The following RPRD1A variants were observed in gnomAD, a reference collection of about 807,000 sequenced individuals.
The protein encoded by RPRD1A is regulation of nuclear pre-mRNA domain containing 1A.
RPRD1A carries 9 observed loss-of-function variants against 37.8 expected under a neutral mutation model. That is an observed-to-expected ratio of 0.24 (90% CI 0.14 to 0.42). The LOEUF (loss-of-function observed/expected upper bound fraction) is 0.42, where lower values mean the gene tolerates loss of function less well. Ranked by LOEUF, RPRD1A falls within the 10% of genes least tolerant of loss-of-function variation. RPRD1A has a pLI of 1.00. For missense variants in RPRD1A, 255 were observed against 371.0 expected (o/e 0.69, Z 2.57); for synonymous variants, 138 against 139.7 (o/e 0.99, Z 0.08).
intron 6 of RPRD1A, chr18:36,026,659 A>G (rs2061906107): frequency 2.7e-6 from 1 of 369,404 alleles, no homozygotes; most frequent in African/African-American, 2.1e-5. Flanking sequence ...ATGGAATTTC[A>G]CAAGAATAAT....
At chr18:36,026,822 A>G in intron 6 of RPRD1A, 78 bp downstream of exon 6, 2 of 1,379,394 alleles carry the variant, frequency 1.4e-6, no homozygotes, top group East Asian at 4.9e-5. Context: ...AAATGTGCAC[A>G]TAGATTAAAA....
intron 6 of RPRD1A, among the ~76,000 whole-genome samples, chr18:36,000,059 CTTTT>C (rs1053266999): frequency 2.0e-5 from 3 of 152,174 alleles, no homozygotes; most frequent in African/African-American, 7.2e-5. Flanking sequence ...CACCCATTTT[CTTTT>C]TTTAATAAGG....
rs530176422 is a variant in RPRD1A, at chr18:36,022,887, A to G, written c.789+4013T>C. ...TGAAGCAGGAAGATAACTTGTACTC[A>G]TGAGTTCGAGGTTACAGTGAGCTGT... On this transcript the variant is annotated intron_variant, in intron 6 of 6. Coordinates refer to ENST00000399022, the MANE Select transcript of RPRD1A (RefSeq NM_018170.5). 2.6e-5 allele frequency among the ~76,000 whole-genome samples: 4 copies of G among 152,328 alleles called. No homozygotes were observed. In the South Asian group the frequency reaches 6.2e-4, roughly 24 times the overall value.
intron 1 of RPRD1A, among the ~76,000 whole-genome samples, chr18:36,039,138 T>C (rs1331017279): frequency 6.6e-6 from 1 of 152,144 alleles, no homozygotes; most frequent in East Asian, 1.9e-4. Context: ...GGTGGAATGA[T>C]ATGGTTTGGC....
chr18:36,002,467 TGGCACA>T (rs1210510527), intron 6 of RPRD1A, among the ~76,000 whole-genome samples: 1 of 152,132 alleles, frequency 6.6e-6, no homozygotes, highest in African/African-American at 2.4e-5. Flanking sequence ...TGGAGTGCAG[TGGCACA>T]ATCACAGCAC....
At chr18:36,050,520 ATACATAAAAAAAAAAC>A (rs940910412) in intron 1 of RPRD1A, among the ~76,000 whole-genome samples, 2 of 152,152 alleles carry the variant, frequency 1.3e-5, no homozygotes, top group Non-Finnish European at 2.9e-5. Flanking sequence ...TAGCCAGAAT[ATACATAAAAAAAAAAC>A]TACACTTCAA....
chr18:36,029,305 T>C (rs1311251584), intron 4 of RPRD1A, among the ~76,000 whole-genome samples: 1 of 152,198 alleles, frequency 6.6e-6, no homozygotes, highest in African/African-American at 2.4e-5. Flanking sequence ...CCTCCCAGCC[T>C]CTGATTTTAT....
Position 35,993,238 on chromosome 18 carries a change from C to G in RPRD1A, c.852G>C (p.Gln284His), listed in dbSNP as rs948620722. ...LVRKELRSRI[Q>H]SLPDLSRLPN... ...GCAATCGAGATAAGTCTGGCAGGCT[C>G]TGGATCCGGGACCTGAGTTCTTTGC... The change falls in exon 7 of 7, where the codon CAG becomes CAC. Residue 284 changes from glutamine (Q) to histidine (H), a missense_variant. This residue lies in a region of RPRD1A where 211 missense variants were observed against 268.9 expected (regional missense o/e 0.78). Transcript: ENST00000399022. 3 of 1,614,174 alleles carry G rather than the reference C, an allele frequency of 1.9e-6. No individual in the cohort carries two copies. The highest frequency in any genetic ancestry group is 2.5e-6 in the Non-Finnish European group (3 of 1,180,014).
In RPRD1A at chr18:36,062,211, G is replaced by A. The variant is rs563860955; in HGVS notation, c.151+5043C>T. On this transcript the variant is annotated intron_variant, in intron 1 of 6. Coordinates refer to ENST00000399022, the MANE Select transcript of RPRD1A (RefSeq NM_018170.5). ...GGGCGCCTGTAGTCCCAGCTACTCC[G>A]GAGGCTGAGGCAGGAGAATGGCGTG... Among the ~76,000 whole-genome samples the A allele has an allele frequency of 4.5e-3, 678 of 151,296 alleles. 5 individuals carry two copies. Among genetic ancestry groups the A allele is most frequent in the African/African-American group, 0.016 (646 of 41,194 alleles).
rs139102776 is a variant in RPRD1A, at chr18:36,053,222, A to G, written c.151+14032T>C. Among the ~76,000 whole-genome samples the G allele has an allele frequency of 9.7e-4, 147 of 152,274 alleles. 1 individual carries two copies. The highest frequency in any genetic ancestry group is 3.3e-3 in the African/African-American group (139 of 41,552). On this transcript the variant is annotated intron_variant, in intron 1 of 6. Transcript: ENST00000399022. ...AAATTTAACCACTTTAAAGCATACA[A>G]TTCAGGGGTTTTTAGTGCATTTGTA...
intron 6 of RPRD1A, among the ~76,000 whole-genome samples, chr18:36,006,196 T>G (rs1598602310): frequency 6.6e-6 from 1 of 152,174 alleles, no homozygotes; most frequent in African/African-American, 2.4e-5. Context: ...CATGGCAGGG[T>G]TTTATTTTTT....
chr18:36,004,220 C>T (rs1012601032), intron 6 of RPRD1A, among the ~76,000 whole-genome samples: 2 of 151,880 alleles, frequency 1.3e-5, no homozygotes, highest in African/African-American at 4.8e-5. Flanking sequence ...AGCACTCCAC[C>T]AATAAATTAC....
chr18:35,996,025 C>T (rs937168311), intron 6 of RPRD1A, among the ~76,000 whole-genome samples: 10 of 152,168 alleles, frequency 6.6e-5, no homozygotes, highest in African/African-American at 2.2e-4. Flanking sequence ...ACAACCAAAT[C>T]TAATGTGATA....
chr18:36,029,572 G>T (rs1443674317), intron 4 of RPRD1A, among the ~76,000 whole-genome samples: 1 of 145,214 alleles, frequency 6.9e-6, no homozygotes, highest in Non-Finnish European at 1.5e-5. Flanking sequence ...TATCTGTCCC[G>T]CCTACATGTT....
chr18:35,991,636 A>T lies in RPRD1A; in HGVS notation c.*1515T>A, dbSNP rs1345289143. 6.6e-6 allele frequency: 1 copy of T among 152,238 alleles called. No homozygotes were observed. Among genetic ancestry groups the T allele is most frequent in the East Asian group, 1.9e-4 (1 of 5,198 alleles). 9.4% of individuals were successfully genotyped at this position (152,238 alleles called of 1,614,324 possible). ...CCCAAAAGTTGACTAAAAACTTTGG[A>T]ATAAGCCATGTATTATTAGTAGTGC... On this transcript the variant is annotated 3_prime_UTR_variant, in exon 7 of 7. Coordinates refer to ENST00000399022, the MANE Select transcript of RPRD1A (RefSeq NM_018170.5).
Position 35,991,583 on chromosome 18 carries a change from T to G in RPRD1A, c.*1568A>C, listed in dbSNP as rs1383948114. On this transcript the variant is annotated 3_prime_UTR_variant, in exon 7 of 7. Transcript: ENST00000399022. ...TAGTGTTAGGGAACCTAACTACTAT[T>G]CTTTCTGTGAGAAAATGCACCCCAA... 2.4e-4 allele frequency: 37 copies of G among 152,190 alleles called. 1 individual carries two copies. The highest frequency in any genetic ancestry group is 2.4e-3 in the Admixed American group (37 of 15,274). 9.4% of individuals were successfully genotyped at this position (152,190 alleles called of 1,614,324 possible). A position where few individuals can be genotyped will look rare whatever the true frequency, so the allele number is the denominator to read the frequency against.
chr18:36,065,985 A>G (rs1187174725), intron 1 of RPRD1A, among the ~76,000 whole-genome samples: 2 of 152,190 alleles, frequency 1.3e-5, no homozygotes, highest in Non-Finnish European at 2.9e-5. Context: ...AACAAGATAA[A>G]CCTGTTACCG....
chr18:36,036,713 A>T (rs1274342972), intron 1 of RPRD1A, among the ~76,000 whole-genome samples: 3 of 152,192 alleles, frequency 2.0e-5, no homozygotes, highest in Non-Finnish European at 2.9e-5. Flanking sequence ...AATCACAGCA[A>T]GCAATCCAAG....
At chr18:36,054,941 T>G (rs765383518) in intron 1 of RPRD1A, among the ~76,000 whole-genome samples, 1 of 152,222 alleles carries the variant, frequency 6.6e-6, no homozygotes, top group Non-Finnish European at 1.5e-5. Flanking sequence ...TTTCGTTCTA[T>G]TTATGTCTTC....
Sources: gnomAD v4.1 joint callset for allele counts (sites outside exome capture counted in the v4.1 genomes callset) on GRCh38, gnomAD v4.1.1 for gene constraint, gnomAD v4.1.1 regional missense constraint, MANE v1.5 for transcripts, NCBI Gene and HGNC (gene_info 2026-07-23, HGNC 2026-07-21) for gene names.